Variants in RBM33 observed in about 807,000 individuals in gnomAD.
RBM33 encodes the protein RNA binding motif protein 33, also known as RNA-binding protein 33.
RBM33 carries 28 observed loss-of-function variants against 132.6 expected under a neutral mutation model. The observed-to-expected ratio is 0.21, with a 90% CI of 0.16 to 0.29. RBM33 has a LOEUF of 0.29. Among genes scored for constraint, RBM33 ranks in the 10% least tolerant of loss-of-function variants. The pLI is 1.00. For synonymous variants in RBM33, 634 were observed against 593.0 expected (o/e 1.07, Z -1.01); for missense variants, 1,291 against 1,518.5 (o/e 0.85, Z 2.49).
At chr7:155,772,641 T>G (rs1287865215) in intron 16 of RBM33, among the ~76,000 whole-genome samples, 1 of 152,216 alleles carries the variant, frequency 6.6e-6, no homozygotes, top group Non-Finnish European at 1.5e-5. Flanking sequence ...TTTGTATTCA[T>G]TTTTTATTTC....
At chr7:155,734,246 C>T (rs531175838) in intron 9 of RBM33, among the ~76,000 whole-genome samples, 1 of 152,242 alleles carries the variant, frequency 6.6e-6, no homozygotes, top group African/African-American at 2.4e-5. Context: ...GTGCGTGCTT[C>T]TGTGGGTTGA....
intron 5 of RBM33, among the ~76,000 whole-genome samples, chr7:155,689,534 T>C (rs576748880): frequency 1.3e-5 from 2 of 152,060 alleles, no homozygotes; most frequent in African/African-American, 4.8e-5. Context: ...GTGTTTGCTC[T>C]TGCTTCTCAA....
intron 9 of RBM33, 27 bp downstream of exon 9, chr7:155,718,470 T>G (rs1222287356): frequency 6.3e-7 from 1 of 1,576,556 alleles, no homozygotes; most frequent in Non-Finnish European, 8.7e-7. Flanking sequence ...CCTTCTCCTT[T>G]GATAGGGATG....
At position 155,644,891 on chromosome 7, in the gene RBM33, G is replaced by T; in HGVS notation, c.15G>T (p.Leu5=). 1 of 1,498,936 alleles carries T rather than the reference G, an allele frequency of 6.7e-7. No homozygotes were observed. Among genetic ancestry groups the T allele is most frequent in the Non-Finnish European group, 8.8e-7 (1 of 1,130,378 alleles). The allele number at this position is 1,498,936 out of a possible 1,614,324, so 92.9% of individuals were successfully genotyped here. A position where few individuals can be genotyped will look rare whatever the true frequency, so the allele number is the denominator to read the frequency against. The change falls in exon 1 of 18, where the codon CTG becomes CTT. Residue 5 remains leucine, a synonymous_variant. Transcript: ENST00000401878. MAAA[L]GASGGAGAGD... Reference sequence around the variant, plus strand: ...CCGCGAGTGCCATGGCGGCCGCCCTGGGAGCGAGCGGAGGAGCAGGCGCCG... The same window carrying T: ...CCGCGAGTGCCATGGCGGCCGCCCTTGGAGCGAGCGGAGGAGCAGGCGCCG...
chr7:155,649,606 T>TC (rs918668537), intron 1 of RBM33, among the ~76,000 whole-genome samples: 19 of 151,626 alleles, frequency 1.3e-4, no homozygotes, highest in Middle Eastern at 3.4e-3. Flanking sequence ...AGTCAGAATG[T>TC]CCCCCCCCTT....
At position 155,680,850 on chromosome 7, in the gene RBM33, A is replaced by C. The variant is rs373630990; in HGVS notation, c.509A>C (p.Gln170Pro). Residue 170 changes from glutamine (Q) to proline (P), a missense_variant, in exon 5 of 18, where the codon CAG becomes CCG. By Grantham distance (76) the Gln-to-Pro change is moderately conservative. This residue lies in a region of RBM33 where 194 missense variants were observed against 249.8 expected (regional missense o/e 0.78). Transcript: ENST00000401878. Reference sequence around the variant, plus strand: ...TATGTGGAAGAGCCAGAGGAGGAGCAGCTTTACACTGATGAAGTGTTAGAC... The same window carrying C: ...TATGTGGAAGAGCCAGAGGAGGAGCCGCTTTACACTGATGAAGTGTTAGAC... Reference protein sequence around the residue: ...IEYVEEPEEEQLYTDEVLDIE... With the variant: ...IEYVEEPEEEPLYTDEVLDIE... 54 of 1,613,804 alleles carry C rather than the reference A, an allele frequency of 3.3e-5. No homozygotes were observed. The highest frequency in any genetic ancestry group is 4.4e-5 in the Non-Finnish European group (52 of 1,179,838).
chr7:155,769,226 T>G (rs1554488510), intron 16 of RBM33, among the ~76,000 whole-genome samples: 1 of 152,178 alleles, frequency 6.6e-6, no homozygotes, highest in Non-Finnish European at 1.5e-5. Flanking sequence ...TTTTTCTGTC[T>G]ACTCATAAAC....
chr7:155,763,852 C>G lies in RBM33; in HGVS notation c.3020C>G (p.Pro1007Arg). Reference sequence around the variant, plus strand: ...GGCTTTTTTCACCCAGAAGGCCAGCCCCAGCGGCTTCCCCAGCCTCCGGAA... The same window carrying G: ...GGCTTTTTTCACCCAGAAGGCCAGCGCCAGCGGCTTCCCCAGCCTCCGGAA... The part of the protein sequence containing the change: ...SDGFFHPEGQ[P>R]QRLPQPPEVG... The change falls in exon 15 of 18, where the codon CCC (proline) becomes CGC (arginine). Residue 1007 changes from proline to arginine, a missense_variant. By Grantham distance (103) the Pro-to-Arg change is moderately radical. Around this residue, in one of 7 missense-constraint regions of RBM33, gnomAD observed 841 missense variants for 912.0 expected, o/e 0.92. Transcript: ENST00000401878. 6 of 1,612,318 alleles carry G rather than the reference C, an allele frequency of 3.7e-6. No individual in the cohort carries two copies. The highest frequency in any genetic ancestry group is 5.1e-6 in the Non-Finnish European group (6 of 1,179,230).
intron 7 of RBM33, among the ~76,000 whole-genome samples, chr7:155,709,919 A>G (rs1472386651): frequency 6.6e-6 from 1 of 152,158 alleles, no homozygotes; most frequent in Non-Finnish European, 1.5e-5. Flanking sequence ...AATTCTACTC[A>G]TTGTTCCTCT....
chr7:155,663,712 G>C (rs1205469040), intron 1 of RBM33, among the ~76,000 whole-genome samples: 4 of 152,102 alleles, frequency 2.6e-5, no homozygotes, highest in African/African-American at 7.2e-5. Context: ...TTGATTTCCA[G>C]CTCCAGGCTC....
intron 3 of RBM33, among the ~76,000 whole-genome samples, chr7:155,674,788 T>C (rs547228532): frequency 6.6e-6 from 1 of 152,204 alleles, no homozygotes; most frequent in African/African-American, 2.4e-5. Flanking sequence ...GTGGAGGGGC[T>C]GTATCTGCTT....
intron 14 of RBM33, among the ~76,000 whole-genome samples, chr7:155,756,614 T>C (rs921772355): frequency 6.6e-6 from 1 of 152,130 alleles, no homozygotes; most frequent in Non-Finnish European, 1.5e-5. Flanking sequence ...CTCTGCTTGC[T>C]ATTTGTTCTG....
chr7:155,694,973 T>G (rs1390158691), intron 5 of RBM33, among the ~76,000 whole-genome samples: 1 of 152,222 alleles, frequency 6.6e-6, no homozygotes, highest in Non-Finnish European at 1.5e-5. Flanking sequence ...AACAAACCAC[T>G]ATTGGTTTTC....
intron 9 of RBM33, among the ~76,000 whole-genome samples, chr7:155,728,639 ACTGT>A (rs1351997691): frequency 9.9e-5 from 15 of 152,172 alleles, no homozygotes; most frequent in African/African-American, 3.6e-4. Flanking sequence ...AATTTCCATG[ACTGT>A]CTGACTTTTG....
intron 9 of RBM33, among the ~76,000 whole-genome samples, chr7:155,732,821 C>T (rs1800995423): frequency 6.6e-6 from 1 of 152,168 alleles, no homozygotes; most frequent in Admixed American, 6.5e-5. Context: ...TGAAGTTATC[C>T]TGGGCAGTGA....
At chr7:155,697,208 A>G (rs898999363) in intron 5 of RBM33, among the ~76,000 whole-genome samples, 2 of 152,172 alleles carry the variant, frequency 1.3e-5, no homozygotes, top group Non-Finnish European at 2.9e-5. Flanking sequence ...GAGGAGGAGT[A>G]TCTCCATAGA....
intron 13 of RBM33, among the ~76,000 whole-genome samples, chr7:155,743,885 ACTATCCCC>A (rs1801430477): frequency 6.6e-6 from 1 of 152,122 alleles, no homozygotes; most frequent in Non-Finnish European, 1.5e-5. Flanking sequence ...CCTTGTGCCC[ACTATCCCC>A]CTGGACGCCA....
intron 9 of RBM33, among the ~76,000 whole-genome samples, chr7:155,720,740 T>A (rs561573453): frequency 3.0e-4 from 46 of 152,330 alleles, no homozygotes; most frequent in Admixed American, 1.1e-3. Context: ...AGCAAAGCCG[T>A]CTGGAGATTT....
At chr7:155,698,302 G>A (rs976436659) in intron 5 of RBM33, among the ~76,000 whole-genome samples, 1 of 152,110 alleles carries the variant, frequency 6.6e-6, no homozygotes, top group South Asian at 2.1e-4. Flanking sequence ...GGGAGGCAGA[G>A]GTTGTCGTGA....
Sources: allele counts gnomAD v4.1 joint callset (sites outside exome capture counted in the v4.1 genomes callset), GRCh38; gene constraint gnomAD v4.1.1; regional missense constraint gnomAD v4.1.1; transcripts MANE v1.5; gene names NCBI Gene and HGNC (gene_info 2026-07-23, HGNC 2026-07-21).